The following MACROD2 variants were observed in gnomAD, a reference collection of about 807,000 sequenced individuals.
MACROD2 encodes the protein ADP-ribose glycohydrolase MACROD2.
In MACROD2, 36 loss-of-function variants were observed where a neutral mutation model predicts 70.4. The ratio of observed to expected loss-of-function variants is 0.51; its 90% CI spans 0.39 to 0.68. MACROD2 has a LOEUF of 0.68. Ranked by LOEUF, MACROD2 falls within the 30% of genes least tolerant of loss-of-function variation. The pLI, the probability that MACROD2 is intolerant of heterozygous loss-of-function variation, is 0.00. For synonymous variants in MACROD2, 172 were observed against 178.8 expected (o/e 0.96, Z 0.30); for missense variants, 496 against 538.4 (o/e 0.92, Z 0.78).
chr20:14,701,602 A>G (rs1370706190), intron 5 of MACROD2, among the ~76,000 whole-genome samples: 3 of 152,190 alleles, frequency 2.0e-5, no homozygotes, highest in African/African-American at 7.2e-5. Flanking sequence ...GAATGAATGG[A>G]AACTTTGCTG....
rs189756363 is a variant in MACROD2, at chr20:14,167,419, T to C, written c.271+81691T>C. Among the ~76,000 whole-genome samples, 6 of 152,240 alleles carry C rather than the reference T, an allele frequency of 3.9e-5. No homozygotes were observed. The East Asian group carries it at 1.2e-3, about 29-fold the overall frequency. On this transcript the variant is annotated intron_variant, in intron 3 of 17. Transcript: ENST00000684519. ...TTTTTTTGAGACGGAGTTTTGCTTT[T>C]GTTGCTCAGGCTGGAGTGCAATGGC...
At chr20:15,668,270 A>G (rs2049928756) in intron 8 of MACROD2, among the ~76,000 whole-genome samples, 1 of 149,570 alleles carries the variant, frequency 6.7e-6, no homozygotes, top group South Asian at 2.1e-4. Flanking sequence ...AAAAAAATAT[A>G]AAATAAAAAA....
intron 8 of MACROD2, among the ~76,000 whole-genome samples, chr20:15,645,420 G>A (rs1470343328): frequency 6.6e-6 from 1 of 152,172 alleles, no homozygotes; most frequent in Non-Finnish European, 1.5e-5. Flanking sequence ...GGAACTCTGA[G>A]GTAGTGAGAC....
intron 7 of MACROD2, among the ~76,000 whole-genome samples, chr20:15,468,997 C>T (rs772000315): frequency 6.6e-6 from 1 of 152,076 alleles, no homozygotes; most frequent in Admixed American, 6.6e-5. Flanking sequence ...CTATATAGTT[C>T]CTATCATTTT....
At chr20:15,393,445 C>T (rs908632712) in intron 6 of MACROD2, among the ~76,000 whole-genome samples, 3 of 152,188 alleles carry the variant, frequency 2.0e-5, no homozygotes, top group Non-Finnish European at 2.9e-5. Context: ...ATCTTTGACT[C>T]TTCTGTCTTT....
intron 3 of MACROD2, among the ~76,000 whole-genome samples, chr20:14,095,240 C>T (rs1193300830): frequency 1.3e-5 from 2 of 151,766 alleles, no homozygotes; most frequent in Non-Finnish European, 1.5e-5. Context: ...AAGATTTTTA[C>T]CAAAATGAAA....
At chr20:14,747,377 C>T (rs1305604926) in intron 5 of MACROD2, among the ~76,000 whole-genome samples, 1 of 152,022 alleles carries the variant, frequency 6.6e-6, no homozygotes, top group African/African-American at 2.4e-5. Context: ...AATGAAGAGT[C>T]AAAATTGTTT....
intron 4 of MACROD2, among the ~76,000 whole-genome samples, chr20:14,600,331 T>C (rs1402690207): frequency 7.0e-6 from 1 of 143,144 alleles, no homozygotes; most frequent in Non-Finnish European, 1.5e-5. Flanking sequence ...CAGCTACATA[T>C]ATATATATAT....
At chr20:14,435,948 C>A (rs1260479218) in intron 3 of MACROD2, among the ~76,000 whole-genome samples, 1 of 152,114 alleles carries the variant, frequency 6.6e-6, no homozygotes, top group Non-Finnish European at 1.5e-5. Flanking sequence ...CTCAACGGAT[C>A]CACCTACCTC....
intron 3 of MACROD2, among the ~76,000 whole-genome samples, chr20:14,187,139 G>GAAAAAAAAAAAAAA (rs71335951): frequency 8.9e-6 from 1 of 112,974 alleles, no homozygotes; most frequent in African/African-American, 3.4e-5. Context: ...TTTAAAAAAG[G>GAAAAAAAAAAAAAA]AAAAAAAAAA....
At chr20:15,007,854 A>ATCCAAAACAGCCAAGAGTTTCTGTCC (rs2075052297) in intron 5 of MACROD2, among the ~76,000 whole-genome samples, 1 of 152,238 alleles carries the variant, frequency 6.6e-6, no homozygotes, top group Non-Finnish European at 1.5e-5. Context: ...AGGCTTGCCC[A>ATCCAAAACAGCCAAGAGTTTCTGTCC]TCCAAAACAG....
intron 8 of MACROD2, among the ~76,000 whole-genome samples, chr20:15,771,142 C>T (rs2051617783): frequency 6.6e-6 from 1 of 152,030 alleles, no homozygotes; most frequent in African/African-American, 2.4e-5. Flanking sequence ...GCAGCAGGGA[C>T]TCAGCCTCAG....
chr20:15,090,203 G>A (rs1242739948), intron 5 of MACROD2, among the ~76,000 whole-genome samples: 6 of 71,166 alleles, frequency 8.4e-5, no homozygotes, highest in Non-Finnish European at 2.1e-4. Flanking sequence ...ATAGATAAAT[G>A]TACATATATA....
intron 4 of MACROD2, among the ~76,000 whole-genome samples, chr20:14,549,854 T>C (rs1475259163): frequency 1.3e-5 from 2 of 152,150 alleles, no homozygotes; most frequent in African/African-American, 4.8e-5. Context: ...TAATGCATAG[T>C]ATTACTGACA....
chr20:14,954,545 A>G (rs1231779629), intron 5 of MACROD2, among the ~76,000 whole-genome samples: 2 of 139,470 alleles, frequency 1.4e-5, no homozygotes, highest in South Asian at 2.1e-4. Context: ...TATAATATAA[A>G]TTATAAATAA....
chr20:14,046,715 TTTTATTTATTTATTTATTTA>T (rs57310891), intron 2 of MACROD2, among the ~76,000 whole-genome samples: 1 of 145,788 alleles, frequency 6.9e-6, no homozygotes, highest in East Asian at 2.0e-4. Flanking sequence ...AAGCATTCTC[TTTTATTTATTTATTTATTTA>T]TTTATTTATT....
At chr20:15,088,421 ATATATATATATATATATAT>A (rs2075766792) in intron 5 of MACROD2, among the ~76,000 whole-genome samples, 2 of 35,052 alleles carry the variant, frequency 5.7e-5, no homozygotes, top group East Asian at 5.8e-4. Context: ...ATATATATAT[ATATATATATATATATATAT>A]ATATATATAT....
chr20:14,082,134 A>G (rs1000773252), intron 2 of MACROD2, among the ~76,000 whole-genome samples: 9 of 150,096 alleles, frequency 6.0e-5, no homozygotes, highest in African/African-American at 2.2e-4. Context: ...TGGTATAAAA[A>G]TGGTTTAAAC....
chr20:14,968,659 A>G (rs1014030070), intron 5 of MACROD2, among the ~76,000 whole-genome samples: 1 of 152,192 alleles, frequency 6.6e-6, no homozygotes, highest in African/African-American at 2.4e-5. Context: ...CCACCCCCAG[A>G]GTTTCTGATT....
Sources: allele counts gnomAD v4.1 joint callset (sites outside exome capture counted in the v4.1 genomes callset), GRCh38; gene constraint gnomAD v4.1.1; transcripts MANE v1.5; gene names NCBI Gene and HGNC (gene_info 2026-07-23, HGNC 2026-07-21).